PPM1L: variants seen among roughly 807,000 people sequenced by gnomAD.
PPM1L encodes protein phosphatase, Mg2+/Mn2+ dependent 1L, also known as protein phosphatase 1L.
In PPM1L, 13 loss-of-function variants were observed where a neutral mutation model predicts 31.4. That is an observed-to-expected ratio of 0.41 (90% CI 0.27 to 0.66). The LOEUF (loss-of-function observed/expected upper bound fraction) is 0.66, where lower values mean the gene tolerates loss of function less well. Ranked by LOEUF, PPM1L falls within the 30% of genes least tolerant of loss-of-function variation. The pLI, the probability that PPM1L is intolerant of heterozygous loss-of-function variation, is 0.29. For synonymous variants in PPM1L, 184 were observed against 175.4 expected, an observed-to-expected ratio of 1.05 and a Z score of -0.39; for missense variants, 326 against 453.7, an observed-to-expected ratio of 0.72 and a Z score of 2.56.
At chr3:161,043,687 T>G (rs751499490) in intron 2 of PPM1L, among the ~76,000 whole-genome samples, 4 of 152,218 alleles carry the variant, frequency 2.6e-5, no homozygotes, top group Non-Finnish European at 5.9e-5. Flanking sequence ...TTAAAATAAG[T>G]AATATAATTC....
intron 1 of PPM1L, among the ~76,000 whole-genome samples, chr3:160,828,908 A>G (rs1000588339): frequency 6.6e-6 from 1 of 152,202 alleles, no homozygotes; most frequent in African/African-American, 2.4e-5. Flanking sequence ...GAGAAAATGC[A>G]TAATTTTTAA....
chr3:160,758,854 A>C (rs1259894487), intron 1 of PPM1L, among the ~76,000 whole-genome samples: 1 of 152,220 alleles, frequency 6.6e-6, no homozygotes, highest in African/African-American at 2.4e-5. Flanking sequence ...CCTTACATTA[A>C]AAAGCATGCT....
chr3:161,013,273 C>T (rs543866546), intron 2 of PPM1L, among the ~76,000 whole-genome samples: 10 of 152,308 alleles, frequency 6.6e-5, no homozygotes, highest in East Asian at 3.9e-4. Flanking sequence ...GCCTTCATTT[C>T]GTTATGCACC....
At chr3:160,825,989 A>G (rs1713347173) in intron 1 of PPM1L, among the ~76,000 whole-genome samples, 1 of 152,062 alleles carries the variant, frequency 6.6e-6, no homozygotes, top group South Asian at 2.1e-4. Flanking sequence ...CTTTTGAATC[A>G]TGGATGCTCC....
intron 1 of PPM1L, among the ~76,000 whole-genome samples, chr3:160,808,733 G>A (rs1712718847): frequency 6.6e-6 from 1 of 152,150 alleles, no homozygotes; most frequent in African/African-American, 2.4e-5. Context: ...GAGCAGAGAA[G>A]GGAACTGATT....
intron 2 of PPM1L, among the ~76,000 whole-genome samples, chr3:161,037,580 A>G (rs1461333426): frequency 8.9e-6 from 1 of 112,158 alleles, no homozygotes; most frequent in Non-Finnish European, 1.7e-5. Flanking sequence ...ATGCCCGGCT[A>G]ATTTTTTTTT....
rs372069314 is a variant in PPM1L, at chr3:160,756,836, C to T, written c.399+129C>T. ...TGCGCAGCGGGAGAGGATCTGGGTG[C>T]GAGGGGCGTGGTGATGACACCACGG... On this transcript the variant is annotated intron_variant, in intron 1 of 3. Transcript: ENST00000498165. The surrounding 1 kb of genome is among the most constrained non-coding windows in gnomAD (Gnocchi z 6.2). 5.5e-5 allele frequency: 58 copies of T among 1,064,216 alleles called. 1 individual carries two copies. The highest frequency in any genetic ancestry group is 2.6e-4 in the East Asian group (10 of 38,166). 65.9% of individuals were successfully genotyped at this position (1,064,216 alleles called of 1,614,324 possible).
At chr3:160,984,205 C>A (rs1716893448) in intron 2 of PPM1L, among the ~76,000 whole-genome samples, 1 of 152,172 alleles carries the variant, frequency 6.6e-6, no homozygotes, top group Non-Finnish European at 1.5e-5. Flanking sequence ...GCAGACACTC[C>A]CAGAGCGGCC....
chr3:161,002,623 G>A (rs1717537612), intron 2 of PPM1L, among the ~76,000 whole-genome samples: 1 of 147,710 alleles, frequency 6.8e-6, no homozygotes, highest in African/African-American at 2.6e-5. Context: ...TTTTTTGGCT[G>A]CATAAATGTC....
chr3:161,001,192 A>G (rs1717467860), intron 2 of PPM1L, among the ~76,000 whole-genome samples: 3 of 152,338 alleles, frequency 2.0e-5, no homozygotes, highest in South Asian at 2.1e-4. Flanking sequence ...CAGAGGATCT[A>G]TGGGCTAGAT....
chr3:161,065,148 G>C (rs1377075535), intron 2 of PPM1L, among the ~76,000 whole-genome samples: 1 of 152,150 alleles, frequency 6.6e-6, no homozygotes, highest in Non-Finnish European at 1.5e-5. Flanking sequence ...AAGAGTAGCA[G>C]AGACAAAGTG....
intron 1 of PPM1L, among the ~76,000 whole-genome samples, chr3:160,872,866 G>T (rs957033068): frequency 3.9e-5 from 6 of 152,266 alleles, no homozygotes; most frequent in Admixed American, 1.3e-4. Flanking sequence ...GGCAGAGCTT[G>T]CAGTGAGCCG....
intron 1 of PPM1L, among the ~76,000 whole-genome samples, chr3:160,951,116 C>T (rs1715564487): frequency 1.3e-5 from 2 of 152,212 alleles, no homozygotes; most frequent in Non-Finnish European, 2.9e-5. Flanking sequence ...TCACTCATAA[C>T]AAAATTTAGC....
intron 2 of PPM1L, among the ~76,000 whole-genome samples, chr3:161,007,969 A>C (rs1001037048): frequency 1.3e-5 from 2 of 152,182 alleles, no homozygotes; most frequent in Non-Finnish European, 1.5e-5. Context: ...ATACCCCAAC[A>C]TGAAGGCCTC....
intron 1 of PPM1L, among the ~76,000 whole-genome samples, chr3:160,947,086 CAA>C (rs559686906): frequency 2.0e-5 from 3 of 152,134 alleles, no homozygotes; most frequent in Non-Finnish European, 2.9e-5. Context: ...GAAAAATACA[CAA>C]AGTGTTAACT....
chr3:161,039,620 T>A (rs1055483760), intron 2 of PPM1L, among the ~76,000 whole-genome samples: 13 of 152,250 alleles, frequency 8.5e-5, no homozygotes, highest in Middle Eastern at 3.4e-3. Flanking sequence ...CCTCCCGGTT[T>A]CATGCCATTC....
At chr3:160,951,225 G>C (rs1022601872) in intron 1 of PPM1L, among the ~76,000 whole-genome samples, 1 of 152,168 alleles carries the variant, frequency 6.6e-6, no homozygotes, top group Non-Finnish European at 1.5e-5. Context: ...GGGGAACATA[G>C]ATGTGTATTT....
In PPM1L at chr3:160,756,493, A is replaced by G. The variant is rs560428151; in HGVS notation, c.185A>G (p.Lys62Arg). Residue 62 changes from lysine (K) to arginine (R), a missense_variant, in exon 1 of 4, where the codon AAG becomes AGG. Physicochemically the swap from Lys to Arg is conservative, Grantham distance 26. This residue lies in a region of PPM1L where 83 missense variants were observed against 79.4 expected (regional missense o/e 1.04). Coordinates refer to ENST00000498165, the MANE Select transcript of PPM1L (RefSeq NM_139245.4). The surrounding 1 kb of genome is among the most constrained non-coding windows in gnomAD (Gnocchi z 6.2). Reference sequence around the variant, plus strand: ...GACGCCGTGAAGATGGTGAAGGGCAAGGTAGCCGAGATCATGCAGAACGAT... The same window carrying G: ...GACGCCGTGAAGATGGTGAAGGGCAGGGTAGCCGAGATCATGCAGAACGAT... Reference protein sequence around the residue: ...SRDAVKMVKGKVAEIMQNDRL... With the variant: ...SRDAVKMVKGRVAEIMQNDRL... 9.3e-6 allele frequency: 15 copies of G among 1,614,136 alleles called. No homozygotes were observed. The Admixed American group carries it at 1.8e-4, about 20-fold the overall frequency.
intron 1 of PPM1L, among the ~76,000 whole-genome samples, chr3:160,764,508 C>T (rs1262749717): frequency 6.7e-6 from 1 of 150,356 alleles, no homozygotes; most frequent in African/African-American, 2.5e-5. Flanking sequence ...TTGTTCTGTC[C>T]CAGGCTGGAG....
Sources: gnomAD v4.1 joint callset for allele counts (sites outside exome capture counted in the v4.1 genomes callset) on GRCh38, gnomAD v4.1.1 for gene constraint, gnomAD v4.1.1 regional missense constraint, Gnocchi (gnomAD v3.1) non-coding constraint, MANE v1.5 for transcripts, NCBI Gene and HGNC (gene_info 2026-07-23, HGNC 2026-07-21) for gene names.